Variants in DPP6 observed in about 807,000 individuals in gnomAD.
DPP6 encodes the protein A-type potassium channel modulatory protein DPP6.
Under a neutral mutation model 122.6 loss-of-function variants are expected in DPP6, and 69 were observed. The observed-to-expected ratio is 0.56, with a 90% confidence interval of 0.46 to 0.69. The LOEUF is 0.69. Ranked by LOEUF, DPP6 falls within the 30% of genes least tolerant of loss-of-function variation. DPP6 has a pLI of 0.00. For synonymous variants in DPP6, 418 were observed against 433.1 expected, an observed-to-expected ratio of 0.97 and a Z score of 0.43; for missense variants, 928 against 1,116.9, an observed-to-expected ratio of 0.83 and a Z score of 2.41.
At chr7:154,571,824 C>A (rs1323345277) in intron 5 of DPP6, among the ~76,000 whole-genome samples, 1 of 152,140 alleles carries the variant, frequency 6.6e-6, no homozygotes, top group African/African-American at 2.4e-5. Context: ...AGTTACTTGC[C>A]ACTGCATAGC....
chr7:154,196,559 T>G (rs1325797766), intron 1 of DPP6, among the ~76,000 whole-genome samples: 3 of 152,218 alleles, frequency 2.0e-5, no homozygotes, highest in African/African-American at 7.2e-5. Context: ...ATTTCTGTGT[T>G]ATTCATACTC....
intron 3 of DPP6, among the ~76,000 whole-genome samples, chr7:154,476,200 AG>A (rs1330938085): frequency 1.3e-5 from 2 of 152,210 alleles, no homozygotes; most frequent in African/African-American, 4.8e-5. Flanking sequence ...CTTATTTAAA[AG>A]TGAAAAAAGT....
chr7:154,196,850 T>G (rs6966491), intron 1 of DPP6, among the ~76,000 whole-genome samples: 5 of 152,226 alleles, frequency 3.3e-5, no homozygotes, highest in African/African-American at 1.2e-4. Context: ...TCCACTTAAT[T>G]GACTCTTCCC....
chr7:153,960,391 T>C (rs1341397375), intron 1 of DPP6, among the ~76,000 whole-genome samples: 7 of 152,164 alleles, frequency 4.6e-5, no homozygotes, highest in Non-Finnish European at 8.8e-5. Flanking sequence ...AACACATTGG[T>C]CACATTCTTA....
At chr7:154,300,314 G>A (rs77457604) in intron 1 of DPP6, among the ~76,000 whole-genome samples, 5 of 152,204 alleles carry the variant, frequency 3.3e-5, no homozygotes, top group Admixed American at 6.5e-5. Context: ...GCCACCACGA[G>A]AGTACTTAGC....
At chr7:154,558,022 C>T (rs375228560) in intron 4 of DPP6, among the ~76,000 whole-genome samples, 14 of 152,052 alleles carry the variant, frequency 9.2e-5, no homozygotes, top group East Asian at 5.8e-4. Flanking sequence ...TAGGTATACA[C>T]GTGCCACAGT....
the DPP6 span, among the ~76,000 whole-genome samples, chr7:153,864,816 C>T: frequency 6.6e-6 from 1 of 152,050 alleles, no homozygotes; most frequent in African/African-American, 2.4e-5. Context: ...TGTAAACATG[C>T]AGGCTTTACT....
the DPP6 span, among the ~76,000 whole-genome samples, chr7:153,775,784 G>T: frequency 6.6e-6 from 1 of 152,082 alleles, no homozygotes; most frequent in Non-Finnish European, 1.5e-5. Flanking sequence ...CTGTGTTCTA[G>T]CAGTGCATAT....
At chr7:154,287,261 C>T (rs1393926972) in intron 1 of DPP6, among the ~76,000 whole-genome samples, 1 of 152,170 alleles carries the variant, frequency 6.6e-6, no homozygotes, top group Non-Finnish European at 1.5e-5. Context: ...TCACATGTGA[C>T]CATGTTTAAA....
At chr7:154,793,974 G>C in intron 10 of DPP6, 105 bp from the exon 11 acceptor site, 3 of 1,472,364 alleles carry the variant, frequency 2.0e-6, no homozygotes. Flanking sequence ...CACTGGCTCC[G>C]GCCCCCGGCT....
the DPP6 span, among the ~76,000 whole-genome samples, chr7:153,858,302 A>G: frequency 1.3e-5 from 2 of 152,170 alleles, no homozygotes; most frequent in Admixed American, 6.5e-5. Context: ...CAAGTTTCTT[A>G]TTCCCTGATT....
chr7:153,858,983 A>T, the DPP6 span, among the ~76,000 whole-genome samples: 2 of 152,180 alleles, frequency 1.3e-5, no homozygotes, highest in Non-Finnish European at 1.5e-5. Context: ...CTATAAATGC[A>T]TTCTGTGGCT....
intron 3 of DPP6, among the ~76,000 whole-genome samples, chr7:154,489,339 T>C (rs1185415564): frequency 6.6e-6 from 1 of 152,230 alleles, no homozygotes; most frequent in Non-Finnish European, 1.5e-5. Context: ...TGTGCAGGGC[T>C]GACACCCATA....
At chr7:154,370,613 A>G (rs765091816) in intron 1 of DPP6, among the ~76,000 whole-genome samples, 2 of 152,176 alleles carry the variant, frequency 1.3e-5, no homozygotes, top group African/African-American at 2.4e-5. Flanking sequence ...TTAGTTCAGC[A>G]ACTGTTTAGT....
At chr7:154,385,942 T>C (rs993047395) in intron 1 of DPP6, among the ~76,000 whole-genome samples, 1 of 152,202 alleles carries the variant, frequency 6.6e-6, no homozygotes, top group Non-Finnish European at 1.5e-5. Context: ...AGAAGCACTA[T>C]GGAATCACAG....
intron 1 of DPP6, among the ~76,000 whole-genome samples, chr7:153,918,590 C>CAG (rs1462928053): frequency 0.016 from 1,152 of 72,452 alleles, 9 homozygotes; most frequent in African/African-American, 0.051. Context: ...CTCTCTCTCT[C>CAG]TCTCTCTCTC....
chr7:153,806,164 C>G, the DPP6 span, among the ~76,000 whole-genome samples: 1 of 151,690 alleles, frequency 6.6e-6, no homozygotes, highest in Non-Finnish European at 1.5e-5. Flanking sequence ...GAAATGAGCC[C>G]TCCCTGCCTC....
chr7:154,608,807 C>T (rs1044412640), intron 5 of DPP6, among the ~76,000 whole-genome samples: 1 of 152,118 alleles, frequency 6.6e-6, no homozygotes. Context: ...GATTGCTAAT[C>T]GTTGACAACT....
At chr7:153,915,634 C>A (rs1247005775) in intron 1 of DPP6, among the ~76,000 whole-genome samples, 2 of 152,148 alleles carry the variant, frequency 1.3e-5, no homozygotes, top group Non-Finnish European at 2.9e-5. Context: ...GAAAACAAAC[C>A]AAGGGTAGCA....
Sources: allele counts gnomAD v4.1 joint callset (sites outside exome capture counted in the v4.1 genomes callset), GRCh38; gene constraint gnomAD v4.1.1; transcripts MANE v1.5; gene names NCBI Gene and HGNC (gene_info 2026-07-23, HGNC 2026-07-21).